FBP1: variants seen among roughly 807,000 people sequenced by gnomAD.
FBP1 encodes the protein fructose-bisphosphatase 1, also known as fructose-1,6-bisphosphatase 1.
A neutral mutation model predicts 29.9 loss-of-function variants in FBP1; 22 were observed. That is an observed-to-expected ratio of 0.74 (90% CI 0.53 to 1.05). The LOEUF (loss-of-function observed/expected upper bound fraction) is 1.05, where lower values mean the gene tolerates loss of function less well. Among genes scored for constraint, FBP1 ranks in the 50% least tolerant of loss-of-function variants. FBP1 has a pLI of 0.00. For synonymous variants in FBP1, 175 were observed against 178.6 expected (o/e 0.98, Z 0.16); for missense variants, 345 against 448.2 (o/e 0.77, Z 2.08).
At chr9:94,623,889 A>T (rs951010404) in intron 1 of FBP1, among the ~76,000 whole-genome samples, 1 of 152,222 alleles carries the variant, frequency 6.6e-6, no homozygotes, top group African/African-American at 2.4e-5. Flanking sequence ...AATGAAAAAG[A>T]TATGTCAGAT....
At chr9:94,617,905 G>A (rs1827887262) in intron 2 of FBP1, 45 bp from the exon 3 acceptor site, 1 of 1,417,296 alleles carries the variant, frequency 7.1e-7, no homozygotes, top group Admixed American at 1.7e-5. Flanking sequence ...GTTATAGCAA[G>A]ATACACTAAA....
At position 94,639,351 on chromosome 9, in the gene FBP1, C is replaced by G. The variant is rs781602148; in HGVS notation, c.-41G>C. ...AGCGCGGGGCTGCAGGTGCAAGCGG[C>G]AGGTGCGGGGCTGCAGGTGCGGGCG... On this transcript the variant is annotated 5_prime_UTR_variant, in exon 1 of 7. Transcript: ENST00000375326. The G allele has an allele frequency of 1.9e-6, 3 of 1,583,060 alleles. No individual in the cohort carries two copies. The highest frequency in any genetic ancestry group is 2.6e-6 in the Non-Finnish European group (3 of 1,164,666).
chr9:94,609,130 A>G (rs28369737), intron 4 of FBP1, among the ~76,000 whole-genome samples: 16,827 of 151,590 alleles, frequency 0.11, 3,104 homozygotes, highest in African/African-American at 0.38. Flanking sequence ...CAGAACTTGC[A>G]GTGAGCCGAG....
chr9:94,617,628 T>C, intron 3 of FBP1, 140 bp downstream of exon 3: 1 of 706,888 alleles, frequency 1.4e-6, no homozygotes, highest in East Asian at 2.7e-5. Flanking sequence ...GCTGAAAAGC[T>C]CAGAACTTGA....
intron 1 of FBP1, among the ~76,000 whole-genome samples, chr9:94,635,943 T>G (rs182932722): frequency 1.2e-4 from 19 of 152,354 alleles, no homozygotes; most frequent in Admixed American, 2.0e-4. Flanking sequence ...AAATGTGTAT[T>G]GTGATCCCAT....
chr9:94,623,997 G>A (rs1432943808), intron 1 of FBP1, among the ~76,000 whole-genome samples: 1 of 152,208 alleles, frequency 6.6e-6, no homozygotes, highest in Non-Finnish European at 1.5e-5. Context: ...AGATCTCTAG[G>A]GGGGCATTCA....
rs368071773 is a variant in FBP1, at chr9:94,617,900, A to T, written c.334-40T>A. 9.0e-6 allele frequency: 13 copies of T among 1,445,498 alleles called. No individual in the cohort carries two copies. The African/African-American group carries it at 1.8e-4, about 20-fold the overall frequency. 89.5% of individuals were successfully genotyped at this position (1,445,498 alleles called of 1,614,324 possible). ...AAGAAATACAACCTTAAAATGTTAT[A>T]GCAAGATACACTAAAGGAGTATACA... On this transcript the variant is annotated intron_variant, in intron 2 of 6. Coordinates refer to ENST00000375326, the MANE Select transcript of FBP1 (RefSeq NM_000507.4).
chr9:94,613,524 G>A (rs1263503716), intron 3 of FBP1, among the ~76,000 whole-genome samples: 2 of 124,242 alleles, frequency 1.6e-5, no homozygotes, highest in South Asian at 2.3e-4. Context: ...CAACACTTTG[G>A]GAGGTCGAGG....
rs28369684 is a variant in FBP1 at position 94,623,309 on chromosome 9, C to T, written c.171-2818G>A. ...CCACTGTCAAACTCACTTCTGATTC[C>T]GGAGGGCAAATAGCACCGATGGACC... On this transcript the variant is annotated intron_variant, in intron 1 of 6. Coordinates refer to ENST00000375326, the MANE Select transcript of FBP1 (RefSeq NM_000507.4). Among the ~76,000 whole-genome samples, 130 of 152,250 alleles carry T rather than the reference C, an allele frequency of 8.5e-4. 2 individuals carry two copies. The East Asian group carries it at 0.017, about 20-fold the overall frequency.
At chr9:94,610,086 A>C (rs1827762719) in intron 3 of FBP1, 25 bp from the exon 4 acceptor site, 1 of 1,611,914 alleles carries the variant, frequency 6.2e-7, no homozygotes, top group Non-Finnish European at 8.5e-7. Flanking sequence ...AAATCAAAGA[A>C]TGTTTTTGTT....
At chr9:94,618,455 T>TAAAAAA (rs59806476) in intron 2 of FBP1, among the ~76,000 whole-genome samples, 2 of 74,592 alleles carry the variant, frequency 2.7e-5, no homozygotes, top group African/African-American at 5.1e-5. Context: ...ACTCCTTCTG[T>TAAAAAA]AAAAAAAAAA....
At chr9:94,621,350 C>T (rs1192759337) in intron 1 of FBP1, among the ~76,000 whole-genome samples, 4 of 150,598 alleles carry the variant, frequency 2.7e-5, no homozygotes, top group Non-Finnish European at 5.9e-5. Flanking sequence ...GAGCCGAGAT[C>T]GCACCACTGC....
chr9:94,619,900 A>AAAAAAAAAG (rs1827920528), intron 2 of FBP1, among the ~76,000 whole-genome samples: 1 of 146,430 alleles, frequency 6.8e-6, no homozygotes, highest in African/African-American at 2.5e-5. Flanking sequence ...AAAAAAAAAA[A>AAAAAAAAAG]AAGAAGCAGA....
chr9:94,628,778 C>T (rs1028759968), intron 1 of FBP1, among the ~76,000 whole-genome samples: 5 of 152,142 alleles, frequency 3.3e-5, no homozygotes, highest in Non-Finnish European at 5.9e-5. Flanking sequence ...GTTCCAGAGA[C>T]CCGGATATTT....
chr9:94,615,753 A>G (rs1420498776), intron 3 of FBP1, among the ~76,000 whole-genome samples: 1 of 152,176 alleles, frequency 6.6e-6, no homozygotes, highest in Non-Finnish European at 1.5e-5. Context: ...TACTTTTCAC[A>G]TATTTGAAAG....
chr9:94,606,354 G>C (rs1206910662), intron 5 of FBP1, among the ~76,000 whole-genome samples: 1 of 152,182 alleles, frequency 6.6e-6, no homozygotes, highest in East Asian at 1.9e-4. Context: ...GGCCTAGCAA[G>C]GGGCAGACAC....
At chr9:94,634,904 C>A (rs1434249366) in intron 1 of FBP1, among the ~76,000 whole-genome samples, 4 of 152,060 alleles carry the variant, frequency 2.6e-5, no homozygotes, top group Non-Finnish European at 5.9e-5. Flanking sequence ...CCCTGGTCAA[C>A]TTGGCAAAAT....
Position 94,603,511 on chromosome 9 carries a change from G to T in FBP1, c.887C>A (p.Ala296Asp). 6.2e-7 allele frequency: 1 copy of T among 1,614,120 alleles called. No homozygotes were observed. Among genetic ancestry groups the T allele is most frequent in the African/African-American group, 1.3e-5 (1 of 75,020 alleles). ...AYVMEKAGGMATTGKEAVLDV... is the reference protein window; with the variant it reads ...AYVMEKAGGMDTTGKEAVLDV... ...TAACACGGCCTCCTTCCCAGTGGTG[G>T]CCATTCCCCCAGCCTTCTCCATGAC... The change falls in exon 7 of 7, where the codon GCC (alanine) becomes GAC (aspartate). Residue 296 changes from alanine (A) to aspartate (D), a missense_variant. Ala to Asp is a moderately radical substitution (Grantham distance 126). Coordinates refer to ENST00000375326, the MANE Select transcript of FBP1 (RefSeq NM_000507.4).
intron 1 of FBP1, among the ~76,000 whole-genome samples, chr9:94,624,835 C>A (rs1828000195): frequency 6.6e-6 from 1 of 152,054 alleles, no homozygotes; most frequent in Admixed American, 6.6e-5. Context: ...CACATTTATA[C>A]AAGTAATTTT....
Sources: gnomAD v4.1 joint callset for allele counts (sites outside exome capture counted in the v4.1 genomes callset) on GRCh38, gnomAD v4.1.1 for gene constraint, MANE v1.5 for transcripts, NCBI Gene and HGNC (gene_info 2026-07-23, HGNC 2026-07-21) for gene names.